The following TLE4 variants were observed in gnomAD, a reference collection of about 807,000 sequenced individuals.
TLE4 encodes the protein TLE family member 4, transcriptional corepressor.
In TLE4, 8 loss-of-function variants were observed where a neutral mutation model predicts 92.8. That is an observed-to-expected ratio of 0.09 (90% CI 0.05 to 0.16). The LOEUF (loss-of-function observed/expected upper bound fraction) is 0.16. Ranked by LOEUF, TLE4 falls within the 10% of genes least tolerant of loss-of-function variation. The pLI, the probability that TLE4 is intolerant of heterozygous loss-of-function variation, is 1.00. For synonymous variants in TLE4, 371 were observed against 374.1 expected (o/e 0.99, Z 0.10); for missense variants, 675 against 997.6 (o/e 0.68, Z 4.36).
At chr9:79,619,134 A>G (rs1474452590) in intron 5 of TLE4, among the ~76,000 whole-genome samples, 1 of 152,200 alleles carries the variant, frequency 6.6e-6, no homozygotes, top group Non-Finnish European at 1.5e-5. Flanking sequence ...ATAATAGTCA[A>G]TTACATAATA....
intron 19 of TLE4, among the ~76,000 whole-genome samples, chr9:79,723,998 A>G (rs1434946027): frequency 6.6e-6 from 1 of 152,198 alleles, no homozygotes; most frequent in Non-Finnish European, 1.5e-5. Flanking sequence ...TTCATTTTAA[A>G]TGAGCACAGT....
chr9:79,628,940 G>A (rs530951826), intron 6 of TLE4, among the ~76,000 whole-genome samples: 11 of 151,924 alleles, frequency 7.2e-5, no homozygotes, highest in South Asian at 2.1e-4. Context: ...CTCCATTGAC[G>A]TGTGTGCACA....
rs766140439 is a variant in TLE4, at chr9:79,706,820, A to G, written c.857A>G (p.Lys286Arg). 1 of 1,614,226 alleles carries G rather than the reference A, an allele frequency of 6.2e-7. No homozygotes were observed. Among genetic ancestry groups the G allele is most frequent in the Non-Finnish European group, 8.5e-7 (1 of 1,180,040 alleles). The part of the protein sequence containing the change: ...ENGLDKTRLL[K>R]KDAPISPASI... ...GGCCTAGACAAGACACGCCTGCTCA[A>G]GAAAGATGCCCCGATTAGTCCAGCC... The change falls in exon 11 of 20, where the codon AAG becomes AGG. Residue 286 changes from lysine (K) to arginine (R), a missense_variant. Around this residue, in one of 5 missense-constraint regions of TLE4, gnomAD observed 280 missense variants for 287.3 expected, o/e 0.97. Transcript: ENST00000376552.
intron 8 of TLE4, among the ~76,000 whole-genome samples, chr9:79,659,660 C>T (rs141997604): frequency 2.8e-3 from 426 of 152,144 alleles, no homozygotes; most frequent in Non-Finnish European, 5.1e-3. Flanking sequence ...TTCGATTTGT[C>T]CTCTTATACA....
intron 4 of TLE4, among the ~76,000 whole-genome samples, chr9:79,607,739 T>TCTGTTTTGGTACCAGTACCATG (rs59080230): frequency 6.6e-6 from 1 of 151,798 alleles, no homozygotes. Flanking sequence ...GGTCTATATC[T>TCTGTTTTGGTACCAGTACCATG]CTGTTTTGGT....
At chr9:79,648,294 C>A (rs2058414992) in intron 6 of TLE4, among the ~76,000 whole-genome samples, 1 of 152,086 alleles carries the variant, frequency 6.6e-6, no homozygotes, top group Non-Finnish European at 1.5e-5. Flanking sequence ...ACTAAGAGGC[C>A]TGAGACTGGT....
At chr9:79,609,420 A>G (rs1016307512) in intron 4 of TLE4, among the ~76,000 whole-genome samples, 1 of 151,892 alleles carries the variant, frequency 6.6e-6, no homozygotes, top group African/African-American at 2.4e-5. Context: ...TTTTTATTTT[A>G]TTTATTTTTT....
At chr9:79,615,115 G>A (rs2049229357) in intron 5 of TLE4, among the ~76,000 whole-genome samples, 1 of 152,028 alleles carries the variant, frequency 6.6e-6, no homozygotes, top group African/African-American at 2.4e-5. Flanking sequence ...CGTCCACCTT[G>A]TTTCTTCTTC....
intron 4 of TLE4, among the ~76,000 whole-genome samples, chr9:79,600,487 A>G (rs1393520126): frequency 3.3e-5 from 5 of 152,180 alleles, no homozygotes; most frequent in Non-Finnish European, 7.4e-5. Context: ...ACAAAAACAC[A>G]CAAAAACAGA....
intron 4 of TLE4, among the ~76,000 whole-genome samples, chr9:79,588,936 G>A (rs1286687272): frequency 1.3e-5 from 2 of 152,208 alleles, no homozygotes; most frequent in Non-Finnish European, 2.9e-5. Flanking sequence ...CTGTGCTAGA[G>A]CAGTGGTTGC....
chr9:79,617,813 A>G (rs534598072), intron 5 of TLE4, among the ~76,000 whole-genome samples: 1 of 150,140 alleles, frequency 6.7e-6, no homozygotes, highest in East Asian at 1.9e-4. Context: ...CAGAGATCAA[A>G]GGAACAGTGG....
At chr9:79,707,406 C>T (rs894411128) in intron 11 of TLE4, among the ~76,000 whole-genome samples, 6 of 152,210 alleles carry the variant, frequency 3.9e-5, no homozygotes, top group Admixed American at 1.3e-4. Flanking sequence ...GATAATCTCC[C>T]TGCACCCTAT....
intron 4 of TLE4, among the ~76,000 whole-genome samples, chr9:79,610,552 C>G (rs1459612686): frequency 6.6e-6 from 1 of 152,034 alleles, no homozygotes; most frequent in South Asian, 2.1e-4. Context: ...CCCCACCCCC[C>G]CACTGCCAAT....
intron 4 of TLE4, among the ~76,000 whole-genome samples, chr9:79,594,945 A>T (rs1267576526): frequency 6.6e-6 from 1 of 152,174 alleles, no homozygotes; most frequent in East Asian, 1.9e-4. Flanking sequence ...TCACTTGGCA[A>T]TTGTTTTTAG....
rs919259550 is a variant in TLE4, at chr9:79,714,860, G to A, written c.1341-3862G>A. On this transcript the variant is annotated intron_variant, in intron 14 of 19. Coordinates refer to ENST00000376552, the MANE Select transcript of TLE4 (RefSeq NM_007005.6). ...TAGCCCTTTGCGCCTCGGTTTCTCT[G>A]ATTCCTAGCAATGTTGACTTCCCTC... Among the ~76,000 whole-genome samples the A allele has an allele frequency of 8.9e-4, 136 of 152,324 alleles. 1 individual carries two copies. Among genetic ancestry groups the A allele is most frequent in the African/African-American group, 2.9e-3 (119 of 41,558 alleles).
chr9:79,714,602 T>A (rs2074096773), intron 14 of TLE4, among the ~76,000 whole-genome samples: 7 of 152,256 alleles, frequency 4.6e-5, no homozygotes, highest in Admixed American at 4.6e-4. Context: ...CTGTCTCTCA[T>A]CCAACATAAA....
intron 8 of TLE4, among the ~76,000 whole-genome samples, chr9:79,685,001 G>A (rs1048549295): frequency 2.6e-5 from 4 of 152,162 alleles, no homozygotes; most frequent in African/African-American, 9.7e-5. Flanking sequence ...TCATGGTTGG[G>A]CCCGTGTGCA....
At chr9:79,643,918 C>G (rs547433399) in intron 6 of TLE4, among the ~76,000 whole-genome samples, 1 of 152,294 alleles carries the variant, frequency 6.6e-6, no homozygotes, top group African/African-American at 2.4e-5. Context: ...GTTTTCTCCT[C>G]TCCTCGCTCC....
At chr9:79,618,534 T>TA (rs2050183164) in intron 5 of TLE4, among the ~76,000 whole-genome samples, 1 of 152,228 alleles carries the variant, frequency 6.6e-6, no homozygotes, top group Non-Finnish European at 1.5e-5. Flanking sequence ...TGGTCATTGT[T>TA]ACCTTTAGAG....
Sources: allele counts gnomAD v4.1 joint callset (sites outside exome capture counted in the v4.1 genomes callset), GRCh38; gene constraint gnomAD v4.1.1; regional missense constraint gnomAD v4.1.1; transcripts MANE v1.5; gene names NCBI Gene and HGNC (gene_info 2026-07-23, HGNC 2026-07-21).